PLPP3: variants seen among roughly 807,000 people sequenced by gnomAD.
The protein encoded by PLPP3 is PAP2 beta.
A neutral mutation model predicts 29.6 loss-of-function variants in PLPP3; 6 were observed. The observed-to-expected ratio is 0.20, with a 90% confidence interval of 0.11 to 0.40. The LOEUF is 0.40. PLPP3 is among the 10% of genes least tolerant of loss of function. The probability of loss-of-function intolerance (pLI) is 1.00; values close to 1 mark genes in which losing one functional copy is unlikely to be tolerated. For missense variants in PLPP3, 308 were observed against 407.7 expected (o/e 0.76, Z 2.11); for synonymous variants, 152 against 159.7 (o/e 0.95, Z 0.36).
chr1:56,515,123 G>C (rs992649668), intron 4 of PLPP3, among the ~76,000 whole-genome samples: 1 of 152,162 alleles, frequency 6.6e-6, no homozygotes, highest in East Asian at 1.9e-4. Flanking sequence ...ACCTCCCTGA[G>C]CCTCCATTTT....
intron 1 of PLPP3, among the ~76,000 whole-genome samples, chr1:56,545,988 C>T (rs1025696477): frequency 3.4e-4 from 52 of 152,310 alleles, no homozygotes; most frequent in African/African-American, 8.2e-4. Flanking sequence ...ACATGGCCCG[C>T]GATCTAGCTC....
At chr1:56,562,951 T>C (rs1189748414) in intron 1 of PLPP3, among the ~76,000 whole-genome samples, 3 of 152,218 alleles carry the variant, frequency 2.0e-5, no homozygotes, top group African/African-American at 4.8e-5. Context: ...TTATCTGTCA[T>C]TTTCTGGTAA....
At chr1:56,541,420 T>A (rs1645968279) in intron 1 of PLPP3, among the ~76,000 whole-genome samples, 1 of 152,204 alleles carries the variant, frequency 6.6e-6, no homozygotes, top group Non-Finnish European at 1.5e-5. Context: ...TAAGTTAGTA[T>A]GTGCCCAAAC....
intron 1 of PLPP3, among the ~76,000 whole-genome samples, chr1:56,574,406 C>T (rs1471616343): frequency 2.0e-5 from 3 of 152,070 alleles, no homozygotes; most frequent in Non-Finnish European, 4.4e-5. Context: ...AGGCTTGCAC[C>T]ACCACGCCCG....
intron 1 of PLPP3, chr1:56,539,010 C>A (rs559672840): frequency 7.0e-6 from 1 of 142,116 alleles, no homozygotes; most frequent in East Asian, 2.0e-4. Flanking sequence ...TGCACACTCA[C>A]AATGTGTTGG....
At chr1:56,519,295 T>G (rs938465318) in intron 4 of PLPP3, among the ~76,000 whole-genome samples, 1 of 152,156 alleles carries the variant, frequency 6.6e-6, no homozygotes, top group African/African-American at 2.4e-5. Context: ...CTACCTCTAC[T>G]GCCACTCTCT....
chr1:56,536,428 C>G (rs1645927338), intron 2 of PLPP3, among the ~76,000 whole-genome samples: 1 of 152,138 alleles, frequency 6.6e-6, no homozygotes, highest in Non-Finnish European at 1.5e-5. Context: ...TCCCTTCCCC[C>G]TCCCCAAATT....
chr1:56,538,153 T>C (rs1272081076), intron 1 of PLPP3, among the ~76,000 whole-genome samples: 1 of 152,118 alleles, frequency 6.6e-6, no homozygotes, highest in African/African-American at 2.4e-5. Context: ...CAGGGTGAAA[T>C]AAAGTCCCTA....
chr1:56,523,609 T>C lies in PLPP3; in HGVS notation c.633+214A>G, dbSNP rs1645833518. Among the ~76,000 whole-genome samples the C allele has an allele frequency of 2.0e-5, 3 of 152,164 alleles. No individual in the cohort carries two copies. In the South Asian group the frequency reaches 6.2e-4, roughly 32 times the overall value. On this transcript the variant is annotated intron_variant, in intron 4 of 5. Coordinates refer to ENST00000371250, the MANE Select transcript of PLPP3 (RefSeq NM_003713.5). The stretch of plus-strand genomic sequence containing the variant: ...TATCAAGCAGCTATGGCAAATACTA[T>C]TTTTATTTGAAAAATGGGGGAAAAA...
At chr1:56,505,377 C>T (rs183963481) in intron 5 of PLPP3, among the ~76,000 whole-genome samples, 192 of 152,282 alleles carry the variant, frequency 1.3e-3, no homozygotes, top group African/African-American at 4.4e-3. Context: ...CCTCTCTGAA[C>T]CTCTGCTTCG....
In PLPP3 at chr1:56,556,990, GAAAGAAAGAA is replaced by G. The variant is rs1646081942; in HGVS notation, c.140-19888_140-19879del. 5.3e-4 allele frequency among the ~76,000 whole-genome samples: 4 copies of G among 7,478 alleles called. 1 individual carries two copies. The highest frequency in any genetic ancestry group is 1.8e-3 in the East Asian group (1 of 554). 4.9% of individuals were successfully genotyped at this position (7,478 alleles called of 152,430 possible). A position where few individuals can be genotyped will look rare whatever the true frequency, so the allele number is the denominator to read the frequency against. The stretch of plus-strand genomic sequence containing the variant: ...AGAAAGAAAGAAAGAAAGAAAGAAA[GAAAGAAAGAA>G]AGAAAGAAAGAGAGAGAGAGAGAGA... On this transcript the variant is annotated intron_variant, in intron 1 of 5. Coordinates refer to ENST00000371250, the MANE Select transcript of PLPP3 (RefSeq NM_003713.5).
chr1:56,556,401 T>C (rs1237142335), intron 1 of PLPP3, among the ~76,000 whole-genome samples: 1 of 152,176 alleles, frequency 6.6e-6, no homozygotes, highest in Non-Finnish European at 1.5e-5. Flanking sequence ...ATTTTAATTA[T>C]GAAGACTATT....
chr1:56,554,136 G>A (rs1417914022), intron 1 of PLPP3, among the ~76,000 whole-genome samples: 1 of 151,964 alleles, frequency 6.6e-6, no homozygotes, highest in Non-Finnish European at 1.5e-5. Flanking sequence ...CAGGTTTGGG[G>A]TCAAATAGAT....
chr1:56,528,106 A>G (rs1329926703), intron 2 of PLPP3, among the ~76,000 whole-genome samples: 7 of 152,218 alleles, frequency 4.6e-5, no homozygotes, highest in Admixed American at 2.6e-4. Flanking sequence ...TTTCTGAAAC[A>G]GCAAGCAACA....
At chr1:56,566,161 C>A (rs1391701234) in intron 1 of PLPP3, among the ~76,000 whole-genome samples, 1 of 152,176 alleles carries the variant, frequency 6.6e-6, no homozygotes, top group African/African-American at 2.4e-5. Flanking sequence ...CATGATTGAC[C>A]TAACAGACCT....
At position 56,524,213 on chromosome 1, in the gene PLPP3, T is replaced by G; in HGVS notation, c.575+64A>C. The G allele has an allele frequency of 6.4e-7, 1 of 1,573,680 alleles. No individual in the cohort carries two copies. Among genetic ancestry groups the G allele is most frequent in the East Asian group, 2.3e-5 (1 of 44,346 alleles). On this transcript the variant is annotated intron_variant, in intron 3 of 5. Transcript: ENST00000371250. This position sits in a 1 kb window ranked among gnomAD's most constrained non-coding sequence, Gnocchi z 4.3. ...TCTAAACCAGGGCCCAGCTAGTAAG[T>G]GCTCACTGAACTGCACTGTATGAAA...
At chr1:56,560,021 G>A (rs1039117378) in intron 1 of PLPP3, among the ~76,000 whole-genome samples, 3 of 152,166 alleles carry the variant, frequency 2.0e-5, no homozygotes, top group African/African-American at 7.2e-5. Flanking sequence ...AAACAACCGT[G>A]ATGTTACCAC....
chr1:56,524,616 T>C lies in PLPP3; in HGVS notation c.298-62A>G. ...AGATTCATCATCAACACTGATGCCG[T>C]AACGGATATTCAACAACACAGGAGA... On this transcript the variant is annotated intron_variant, in intron 2 of 5. Transcript: ENST00000371250. The surrounding 1 kb of genome is among the most constrained non-coding windows in gnomAD (Gnocchi z 4.3). 6 of 1,529,248 alleles carry C rather than the reference T, an allele frequency of 3.9e-6. No homozygotes were observed. The highest frequency in any genetic ancestry group is 5.4e-6 in the Non-Finnish European group (6 of 1,115,424). The allele number at this position is 1,529,248 out of a possible 1,614,324, so 94.7% of individuals were successfully genotyped here.
chr1:56,535,554 A>G (rs1645920809), intron 2 of PLPP3, among the ~76,000 whole-genome samples: 3 of 152,204 alleles, frequency 2.0e-5, no homozygotes. Flanking sequence ...TGTAATTAAA[A>G]TATCAACATA....
Sources: allele counts gnomAD v4.1 joint callset (sites outside exome capture counted in the v4.1 genomes callset), GRCh38; gene constraint gnomAD v4.1.1; non-coding constraint Gnocchi (gnomAD v3.1); transcripts MANE v1.5; gene names NCBI Gene and HGNC (gene_info 2026-07-23, HGNC 2026-07-21).